TENM2: variants seen among roughly 807,000 people sequenced by gnomAD.
TENM2 encodes the protein teneurin transmembrane protein 2.
TENM2 carries 52 observed loss-of-function variants against 245.2 expected under a neutral mutation model. That is an observed-to-expected ratio of 0.21 (90% CI 0.17 to 0.27). TENM2 has a LOEUF of 0.27. TENM2 is among the 10% of genes least tolerant of loss of function. The pLI is 1.00. For missense variants in TENM2, 3,046 were observed against 3,666.8 expected, an observed-to-expected ratio of 0.83 and a Z score of 4.37; for synonymous variants, 1,363 against 1,438.9, an observed-to-expected ratio of 0.95 and a Z score of 1.19.
intron 2 of TENM2, among the ~76,000 whole-genome samples, chr5:167,545,506 T>G (rs2127611744): frequency 1.3e-5 from 2 of 152,324 alleles, no homozygotes; most frequent in South Asian, 4.1e-4. Context: ...TTTAAAAGAT[T>G]TAATTGTCAC....
At chr5:167,234,153 G>C in the TENM2 span, among the ~76,000 whole-genome samples, 1 of 152,294 alleles carries the variant, frequency 6.6e-6, no homozygotes, top group Non-Finnish European at 1.5e-5. Context: ...ACCAACTCTA[G>C]CTCTGGCTTT....
At chr5:167,908,783 A>T (rs554729515) in intron 3 of TENM2, among the ~76,000 whole-genome samples, 2 of 151,702 alleles carry the variant, frequency 1.3e-5, no homozygotes, top group East Asian at 3.9e-4. Flanking sequence ...GAGAAAAGAA[A>T]GTCCAAGCTT....
At chr5:167,494,465 T>C (rs1768656597) in intron 2 of TENM2, among the ~76,000 whole-genome samples, 1 of 152,114 alleles carries the variant, frequency 6.6e-6, no homozygotes, top group Admixed American at 6.6e-5. Flanking sequence ...GTTAGAAAAC[T>C]GTTTCAATAC....
At chr5:167,542,509 C>T (rs1177225382) in intron 2 of TENM2, among the ~76,000 whole-genome samples, 2 of 152,020 alleles carry the variant, frequency 1.3e-5, no homozygotes. Flanking sequence ...AAGGGTCAAG[C>T]CCAGGAATCC....
intron 2 of TENM2, among the ~76,000 whole-genome samples, chr5:167,505,284 A>T (rs994729873): frequency 6.6e-6 from 1 of 152,184 alleles, no homozygotes; most frequent in African/African-American, 2.4e-5. Flanking sequence ...TCAAATCTTT[A>T]ACATGTGCAA....
intron 3 of TENM2, among the ~76,000 whole-genome samples, chr5:167,895,697 T>C (rs1775161941): frequency 6.6e-6 from 1 of 152,260 alleles, no homozygotes; most frequent in Admixed American, 6.5e-5. Flanking sequence ...TTTGCATTTC[T>C]AGCAGGCTCC....
the TENM2 span, among the ~76,000 whole-genome samples, chr5:166,994,233 T>G: frequency 1.3e-5 from 2 of 152,192 alleles, no homozygotes; most frequent in African/African-American, 4.8e-5. Context: ...ATAGCAAAAT[T>G]CACTTTTTGT....
chr5:167,919,332 C>CGAA (rs1163586487), intron 3 of TENM2, among the ~76,000 whole-genome samples: 1 of 152,092 alleles, frequency 6.6e-6, no homozygotes, highest in African/African-American at 2.4e-5. Context: ...AAAGTGCTGG[C>CGAA]GAATGTTAAT....
At chr5:167,480,610 C>A (rs1026941569) in intron 2 of TENM2, among the ~76,000 whole-genome samples, 2 of 152,108 alleles carry the variant, frequency 1.3e-5, no homozygotes, top group African/African-American at 2.4e-5. Flanking sequence ...TAGATGATTG[C>A]GATGTAAATG....
chr5:167,332,800 T>C (rs564454883), intron 1 of TENM2, among the ~76,000 whole-genome samples: 43 of 152,334 alleles, frequency 2.8e-4, no homozygotes, highest in African/African-American at 9.6e-4. Context: ...ATTCCGTTAG[T>C]TATCTTGTAT....
intron 2 of TENM2, among the ~76,000 whole-genome samples, chr5:167,612,351 C>T (rs539897670): frequency 2.6e-5 from 4 of 152,030 alleles, no homozygotes. Context: ...CACCCAACCC[C>T]CAAAGATAAG....
chr5:167,496,958 A>G (rs1482596810), intron 2 of TENM2, among the ~76,000 whole-genome samples: 5 of 152,120 alleles, frequency 3.3e-5, no homozygotes, highest in African/African-American at 1.2e-4. Flanking sequence ...TTCTATCAAA[A>G]GTATTTGCAT....
intron 2 of TENM2, chr5:167,755,197 GGAT>G: frequency 6.3e-7 from 1 of 1,596,226 alleles, no homozygotes; most frequent in Non-Finnish European, 8.5e-7. Context: ...CTCTGGGTAA[GGAT>G]GATGGATGTG....
intron 2 of TENM2, among the ~76,000 whole-genome samples, chr5:167,745,815 A>C (rs567966626): frequency 6.6e-6 from 1 of 152,306 alleles, no homozygotes. Flanking sequence ...AGCATGTATC[A>C]GTAGTTCATT....
chr5:167,376,634 C>T (rs1333444341), intron 2 of TENM2, among the ~76,000 whole-genome samples: 1 of 151,990 alleles, frequency 6.6e-6, no homozygotes, highest in African/African-American at 2.4e-5. Context: ...ATAATTTATT[C>T]TACAGTGGGG....
chr5:167,127,540 A>G, the TENM2 span, among the ~76,000 whole-genome samples: 10 of 151,314 alleles, frequency 6.6e-5, no homozygotes, highest in Non-Finnish European at 1.3e-4. Flanking sequence ...TAACATCGTG[A>G]CCCTACAAGG....
chr5:167,419,961 G>C (rs1243533374), intron 2 of TENM2, among the ~76,000 whole-genome samples: 7 of 152,156 alleles, frequency 4.6e-5, no homozygotes. Context: ...ATTTCAATGA[G>C]AATTTATTTG....
chr5:167,523,476 G>A (rs772330564), intron 2 of TENM2, among the ~76,000 whole-genome samples: 6 of 152,008 alleles, frequency 3.9e-5, no homozygotes, highest in East Asian at 3.9e-4. Flanking sequence ...GTGAGCCAAC[G>A]TCAAATATCA....
At chr5:168,074,572 C>A (rs187844973) in intron 7 of TENM2, among the ~76,000 whole-genome samples, 3 of 148,950 alleles carry the variant, frequency 2.0e-5, no homozygotes, top group African/African-American at 7.5e-5. Flanking sequence ...TTTGGCCGTC[C>A]ACCGTAGGTG....
Sources: allele counts gnomAD v4.1 joint callset (sites outside exome capture counted in the v4.1 genomes callset), GRCh38; gene constraint gnomAD v4.1.1; transcripts MANE v1.5; gene names NCBI Gene and HGNC (gene_info 2026-07-23, HGNC 2026-07-21).